The following PEX5L variants were observed in gnomAD, a reference collection of about 807,000 sequenced individuals.
The protein encoded by PEX5L is peroxisomal biogenesis factor 5 like, also known as PEX5-related protein.
PEX5L carries 30 observed loss-of-function variants against 84.0 expected under a neutral mutation model. The observed-to-expected ratio is 0.36, with a 90% CI of 0.27 to 0.48. The LOEUF is 0.48. Among genes scored for constraint, PEX5L ranks in the 20% least tolerant of loss-of-function variants. The pLI, the probability that PEX5L is intolerant of heterozygous loss-of-function variation, is 0.99. For synonymous variants in PEX5L, 270 were observed against 283.1 expected (o/e 0.95, Z 0.46); for missense variants, 533 against 754.6 (o/e 0.71, Z 3.44).
intron 2 of PEX5L, among the ~76,000 whole-genome samples, chr3:179,939,153 C>T (rs1775393991): frequency 1.3e-5 from 2 of 152,186 alleles, no homozygotes; most frequent in Admixed American, 1.3e-4. Flanking sequence ...GAAAATTAGA[C>T]TTTCTACATG....
intron 2 of PEX5L, among the ~76,000 whole-genome samples, chr3:179,937,220 A>AACT (rs1261771817): frequency 1.3e-5 from 2 of 152,182 alleles, no homozygotes; most frequent in African/African-American, 2.4e-5. Flanking sequence ...ATATTTAGGG[A>AACT]ACTGCAGATG....
intron 1 of PEX5L, among the ~76,000 whole-genome samples, chr3:179,988,580 C>A (rs953519307): frequency 4.6e-5 from 7 of 152,054 alleles, no homozygotes; most frequent in African/African-American, 1.4e-4. Context: ...TTCATAATAA[C>A]CAACTGAAAT....
At chr3:179,817,441 T>A (rs1260929961) in intron 9 of PEX5L, among the ~76,000 whole-genome samples, 1 of 152,218 alleles carries the variant, frequency 6.6e-6, no homozygotes, top group African/African-American at 2.4e-5. Context: ...AAGTTTTTGT[T>A]ATCATAAATA....
intron 2 of PEX5L, among the ~76,000 whole-genome samples, chr3:179,929,904 G>A (rs1008094408): frequency 4.6e-5 from 7 of 152,044 alleles, no homozygotes; most frequent in Non-Finnish European, 8.8e-5. Context: ...ACATAGCTGG[G>A]GCTAAAACCA....
At chr3:179,931,683 T>C (rs1773159490) in intron 2 of PEX5L, among the ~76,000 whole-genome samples, 1 of 152,184 alleles carries the variant, frequency 6.6e-6, no homozygotes, top group Admixed American at 6.6e-5. Flanking sequence ...AGGCAATGTT[T>C]CCAAGCTTAC....
chr3:179,877,019 G>C (rs949670329), intron 5 of PEX5L, among the ~76,000 whole-genome samples: 10 of 152,194 alleles, frequency 6.6e-5, no homozygotes, highest in Non-Finnish European at 1.2e-4. Context: ...ATTTTATAAA[G>C]TATTTTAAAT....
chr3:179,844,650 A>G (rs1463625189), intron 8 of PEX5L, among the ~76,000 whole-genome samples: 5 of 152,134 alleles, frequency 3.3e-5, no homozygotes, highest in Non-Finnish European at 7.3e-5. Flanking sequence ...AACACGGTGA[A>G]ACCCTGTCTC....
rs11385630 is a variant in PEX5L at position 180,005,334 on chromosome 3, T to TA, written c.21+31244dup. 8.4e-3 allele frequency among the ~76,000 whole-genome samples: 1,279 copies of TA among 152,254 alleles called. 20 individuals are homozygous for TA. The highest frequency in any genetic ancestry group is 0.029 in the African/African-American group (1,203 of 41,546). ...GAAGTACAGTGGTACAATCATATCTTACTGTAGCCTCAAAATCCTGTGCTC... is the reference window on the plus strand; with the variant it reads ...GAAGTACAGTGGTACAATCATATCTTAACTGTAGCCTCAAAATCCTGTGCTC... On this transcript the variant is annotated intron_variant, in intron 1 of 14. Coordinates refer to ENST00000467460, the MANE Select transcript of PEX5L (RefSeq NM_016559.3).
intron 1 of PEX5L, among the ~76,000 whole-genome samples, chr3:180,030,323 C>T (rs73059371): frequency 0.033 from 5,069 of 152,232 alleles, 303 homozygotes; most frequent in African/African-American, 0.12. Context: ...CTTCACCCTA[C>T]GCCTCTTCCA....
At chr3:180,018,877 T>G (rs1324892720) in intron 1 of PEX5L, among the ~76,000 whole-genome samples, 1 of 151,870 alleles carries the variant, frequency 6.6e-6, no homozygotes. Context: ...TTGTCTGTTT[T>G]TTGTTGTTGT....
rs9843568 is a variant in PEX5L, at chr3:179,997,672, T to C, written c.22-26007A>G. ...GCCTGTGCAGTAAATGGATAGATCTTAGAGAATGACAGTGGATTATTATAA... is the reference window on the plus strand; with the variant it reads ...GCCTGTGCAGTAAATGGATAGATCTCAGAGAATGACAGTGGATTATTATAA... On this transcript the variant is annotated intron_variant, in intron 1 of 14. Transcript: ENST00000467460. Among the ~76,000 whole-genome samples the C allele has an allele frequency of 8.6e-3, 1,308 of 152,338 alleles. 17 individuals are homozygous for C. The highest frequency in any genetic ancestry group is 0.03 in the African/African-American group (1,249 of 41,574).
chr3:179,957,083 G>A (rs1470615304), intron 2 of PEX5L, among the ~76,000 whole-genome samples: 4 of 152,172 alleles, frequency 2.6e-5, no homozygotes, highest in Admixed American at 6.6e-5. Flanking sequence ...ATGTAGCAAT[G>A]TGGAAAAATG....
intron 1 of PEX5L, among the ~76,000 whole-genome samples, chr3:180,029,786 C>T (rs1791289680): frequency 1.3e-5 from 2 of 152,186 alleles, no homozygotes; most frequent in South Asian, 2.1e-4. Context: ...TGGAGTTGGA[C>T]TTGAGATTCT....
chr3:179,870,211 G>C (rs1021006794), intron 7 of PEX5L, among the ~76,000 whole-genome samples: 1 of 152,204 alleles, frequency 6.6e-6, no homozygotes, highest in African/African-American at 2.4e-5. Context: ...AGTTCCTACA[G>C]ACAGGATCTC....
intron 8 of PEX5L, among the ~76,000 whole-genome samples, chr3:179,836,681 A>T (rs916036678): frequency 3.3e-5 from 5 of 152,196 alleles, no homozygotes; most frequent in African/African-American, 1.2e-4. Context: ...TTATTCATGA[A>T]TCACAAATAA....
chr3:179,832,141 G>A (rs1256059644), intron 8 of PEX5L, among the ~76,000 whole-genome samples: 1 of 152,122 alleles, frequency 6.6e-6, no homozygotes, highest in Non-Finnish European at 1.5e-5. Flanking sequence ...TGGCAGTGGA[G>A]AACGAGAGAA....
At chr3:179,979,120 G>A (rs929882675) in intron 1 of PEX5L, among the ~76,000 whole-genome samples, 1 of 152,174 alleles carries the variant, frequency 6.6e-6, no homozygotes, top group Non-Finnish European at 1.5e-5. Flanking sequence ...TTGAGATCAA[G>A]TAGGCAGAAA....
At chr3:180,034,756 T>C (rs1320647584) in intron 1 of PEX5L, among the ~76,000 whole-genome samples, 1 of 152,198 alleles carries the variant, frequency 6.6e-6, no homozygotes, top group Non-Finnish European at 1.5e-5. Flanking sequence ...TAATTTAAGC[T>C]TGGCAGCAAA....
intron 2 of PEX5L, among the ~76,000 whole-genome samples, chr3:179,941,804 C>G (rs1003269873): frequency 6.6e-6 from 1 of 151,920 alleles, no homozygotes; most frequent in South Asian, 2.1e-4. Flanking sequence ...GGGCGGATCA[C>G]GAGGTCAGGA....
Sources: allele counts gnomAD v4.1 joint callset (sites outside exome capture counted in the v4.1 genomes callset), GRCh38; gene constraint gnomAD v4.1.1; transcripts MANE v1.5; gene names NCBI Gene and HGNC (gene_info 2026-07-23, HGNC 2026-07-21).